Variants in WWC2 observed in about 807,000 individuals in gnomAD.
WWC2 encodes WW and C2 domain containing 2, also known as protein WWC2.
Under a neutral mutation model 138.5 loss-of-function variants are expected in WWC2, and 101 were observed. The ratio of observed to expected loss-of-function variants is 0.73; its 90% CI spans 0.62 to 0.86. WWC2 has a LOEUF of 0.86. Ranked by LOEUF, WWC2 falls within the 40% of genes least tolerant of loss-of-function variation. The pLI, the probability that WWC2 is intolerant of heterozygous loss-of-function variation, is 0.00. For synonymous variants in WWC2, 558 were observed against 538.4 expected (o/e 1.04, Z -0.50); for missense variants, 1,420 against 1,419.4 (o/e 1.00, Z -0.01).
chr4:183,099,432 C>G lies in WWC2; in HGVS notation c.-60C>G. The G allele has an allele frequency of 8.4e-7, 1 of 1,196,468 alleles. No individual in the cohort carries two copies. The highest frequency in any genetic ancestry group is 1.0e-6 in the Non-Finnish European group (1 of 959,896). The allele number at this position is 1,196,468 out of a possible 1,614,324, so 74.1% of individuals were successfully genotyped here. A position where few individuals can be genotyped will look rare whatever the true frequency, so the allele number is the denominator to read the frequency against. On this transcript the variant is annotated 5_prime_UTR_variant, in exon 1 of 23. Transcript: ENST00000403733. ...GGCAGCCTAGCCCGGCAGCCGCGTT[C>G]CCGCCGCGTCCCGCGCCCGGTACCT... is the stretch of plus-strand genomic sequence containing the variant.
intron 1 of WWC2, among the ~76,000 whole-genome samples, chr4:183,147,318 T>G (rs1733490474): frequency 6.6e-6 from 1 of 152,228 alleles, no homozygotes; most frequent in Admixed American, 6.5e-5. Flanking sequence ...AGAAGCTAAG[T>G]AATTTGCCCA....
intron 21 of WWC2, among the ~76,000 whole-genome samples, chr4:183,294,314 GA>G (rs1738560831): frequency 1.3e-5 from 2 of 152,124 alleles, no homozygotes; most frequent in Admixed American, 6.6e-5. Flanking sequence ...TGCAGTTAAT[GA>G]AAAAGTAAAG....
intron 1 of WWC2, among the ~76,000 whole-genome samples, chr4:183,161,790 G>A (rs969258107): frequency 3.9e-5 from 6 of 152,138 alleles, no homozygotes; most frequent in African/African-American, 1.2e-4. Flanking sequence ...TACACCTCCA[G>A]GTTTGTGTGA....
chr4:183,103,789 A>G (rs1411162761), intron 1 of WWC2, among the ~76,000 whole-genome samples: 2 of 137,524 alleles, frequency 1.5e-5, no homozygotes, highest in African/African-American at 5.5e-5. Context: ...AGGCACCACC[A>G]TACCCAGATA....
chr4:183,236,277 T>G (rs1023548578), intron 4 of WWC2, among the ~76,000 whole-genome samples: 2 of 152,196 alleles, frequency 1.3e-5, no homozygotes, highest in African/African-American at 4.8e-5. Context: ...AGGAAAAACT[T>G]CAGACGAATT....
chr4:183,155,222 G>GAGAGAGAGAGAGAGAGTGAGTT (rs1554067869), intron 1 of WWC2, among the ~76,000 whole-genome samples: 3 of 2,374 alleles, frequency 1.3e-3, no homozygotes, highest in African/African-American at 1.4e-3. Flanking sequence ...GAGAGAGAGA[G>GAGAGAGAGAGAGAGAGTGAGTT]AGTTAGTTGA....
At chr4:183,261,981 T>A (rs1407978006) in intron 11 of WWC2, among the ~76,000 whole-genome samples, 1 of 152,240 alleles carries the variant, frequency 6.6e-6, no homozygotes, top group Non-Finnish European at 1.5e-5. Context: ...TAAATACAGT[T>A]TTTGTTTCAA....
chr4:183,106,773 G>C (rs764146637), intron 1 of WWC2, among the ~76,000 whole-genome samples: 3 of 152,008 alleles, frequency 2.0e-5, no homozygotes, highest in Non-Finnish European at 4.4e-5. Context: ...TCATTTTCAT[G>C]ACTTAATAAT....
chr4:183,268,428 A>G (rs1737578223), intron 14 of WWC2, among the ~76,000 whole-genome samples: 1 of 152,166 alleles, frequency 6.6e-6, no homozygotes, highest in Non-Finnish European at 1.5e-5. Context: ...AGACAGTGAT[A>G]TTTTTGAACC....
intron 2 of WWC2, among the ~76,000 whole-genome samples, chr4:183,199,388 C>T (rs1735240466): frequency 6.6e-6 from 1 of 152,204 alleles, no homozygotes; most frequent in African/African-American, 2.4e-5. Flanking sequence ...GTACTAGCCA[C>T]TCATACACTA....
intron 1 of WWC2, among the ~76,000 whole-genome samples, chr4:183,101,587 T>C (rs1212940789): frequency 6.6e-6 from 1 of 152,250 alleles, no homozygotes; most frequent in Non-Finnish European, 1.5e-5. Flanking sequence ...GTCACCATTA[T>C]ATACTCAGTT....
intron 1 of WWC2, among the ~76,000 whole-genome samples, chr4:183,107,444 G>A (rs1340704912): frequency 2.0e-5 from 3 of 152,162 alleles, no homozygotes; most frequent in Non-Finnish European, 1.5e-5. Flanking sequence ...CACCACAACT[G>A]GCCTCACTTC....
At chr4:183,103,061 A>G (rs181880214) in intron 1 of WWC2, among the ~76,000 whole-genome samples, 5 of 152,112 alleles carry the variant, frequency 3.3e-5, no homozygotes, top group Admixed American at 2.0e-4. Context: ...AGATACAATG[A>G]CTTTGTCTAG....
rs1319497799 is a variant in WWC2 at position 183,282,898 on chromosome 4, C to T, written c.2875C>T (p.Pro959Ser). ...DLRSQPPTRI[P>S]TLVDKETNTD... ...CAGAAGTCAGCCACCTACTAGAATACCAACACTGGTGACTATTCCGCTGTG... is the reference window on the plus strand; with the variant it reads ...CAGAAGTCAGCCACCTACTAGAATATCAACACTGGTGACTATTCCGCTGTG... Residue 959 changes from proline to serine, a missense_variant, in exon 18 of 23, where the codon CCA becomes TCA. Transcript: ENST00000403733. The T allele has an allele frequency of 6.3e-7, 1 of 1,579,164 alleles. No individual in the cohort carries two copies. The highest frequency in any genetic ancestry group is 2.3e-5 in the East Asian group (1 of 43,210).
chr4:183,303,711 A>G (rs1254596569), intron 21 of WWC2, among the ~76,000 whole-genome samples: 1 of 152,224 alleles, frequency 6.6e-6, no homozygotes, highest in Admixed American at 6.5e-5. Context: ...GGGAAGCTTT[A>G]TTCAGTATTT....
intron 21 of WWC2, among the ~76,000 whole-genome samples, chr4:183,296,647 C>A (rs757463964): frequency 4.6e-5 from 7 of 152,010 alleles, no homozygotes; most frequent in Non-Finnish European, 8.8e-5. Flanking sequence ...GAAATTATTT[C>A]TTAAGGCCAG....
intron 1 of WWC2, among the ~76,000 whole-genome samples, chr4:183,105,751 G>A (rs1013778724): frequency 3.9e-5 from 6 of 152,168 alleles, no homozygotes; most frequent in Non-Finnish European, 5.9e-5. Flanking sequence ...TTTGCCAGGC[G>A]TGGTGGCGGG....
At chr4:183,283,497 T>A (rs927502128) in intron 18 of WWC2, among the ~76,000 whole-genome samples, 5 of 152,198 alleles carry the variant, frequency 3.3e-5, no homozygotes, top group Admixed American at 6.5e-5. Flanking sequence ...AAATTATAAT[T>A]TTGTATTCCT....
At chr4:183,240,932 G>A (rs1182903111) in intron 5 of WWC2, among the ~76,000 whole-genome samples, 1 of 152,074 alleles carries the variant, frequency 6.6e-6, no homozygotes, top group Non-Finnish European at 1.5e-5. Flanking sequence ...CCGCATTCCC[G>A]GCCCCTGAAA....
Sources: allele counts gnomAD v4.1 joint callset (sites outside exome capture counted in the v4.1 genomes callset), GRCh38; gene constraint gnomAD v4.1.1; transcripts MANE v1.5; gene names NCBI Gene and HGNC (gene_info 2026-07-23, HGNC 2026-07-21).